The following ADAMTS12 variants were observed in gnomAD, a reference collection of about 807,000 sequenced individuals.
ADAMTS12 encodes ADAM metallopeptidase with thrombospondin type 1 motif 12.
Under a neutral mutation model 167.8 loss-of-function variants are expected in ADAMTS12, and 118 were observed. The observed-to-expected ratio is 0.70, with a 90% CI of 0.61 to 0.82. The LOEUF (loss-of-function observed/expected upper bound fraction) is 0.82. ADAMTS12 is among the 40% of genes least tolerant of loss of function. ADAMTS12 has a pLI of 0.00. For synonymous variants in ADAMTS12, 704 were observed against 716.9 expected, an observed-to-expected ratio of 0.98 and a Z score of 0.29; for missense variants, 1,916 against 1,998.8, an observed-to-expected ratio of 0.96 and a Z score of 0.79.
chr5:33,828,865 A>T (rs1748193331), intron 2 of ADAMTS12, among the ~76,000 whole-genome samples: 1 of 152,196 alleles, frequency 6.6e-6, no homozygotes, highest in African/African-American at 2.4e-5. Context: ...CTGTCGCAGT[A>T]GATTCTGCCC....
chr5:33,849,876 A>C (rs1347445376), intron 2 of ADAMTS12, among the ~76,000 whole-genome samples: 3 of 151,618 alleles, frequency 2.0e-5, no homozygotes, highest in African/African-American at 7.3e-5. Flanking sequence ...ATATATATGT[A>C]TTGCATAGCA....
chr5:33,659,977 G>C (rs1741197108), intron 6 of ADAMTS12, among the ~76,000 whole-genome samples: 1 of 152,208 alleles, frequency 6.6e-6, no homozygotes, highest in African/African-American at 2.4e-5. Flanking sequence ...AGCTGTCAGA[G>C]CTTGGAGGAG....
At position 33,549,338 on chromosome 5, in the gene ADAMTS12, A is replaced by C. The variant is rs200165680; in HGVS notation, c.4171T>G (p.Cys1391Gly). 3 of 1,614,026 alleles carry C rather than the reference A, an allele frequency of 1.9e-6. No individual in the cohort carries two copies. The highest frequency in any genetic ancestry group is 1.7e-6 in the Non-Finnish European group (2 of 1,180,028). ...SGGFKIREIQ[C>G]VDSRDHRNLR... ...TTCCGGTGGTCCCGGCTGTCCACGC[A>C]CTGAATCTCGCGTATCTTGAAGCCC... The change falls in exon 21 of 24, where the codon TGC (cysteine) becomes GGC (glycine). Residue 1391 changes from cysteine (C) to glycine (G), a missense_variant. Transcript: ENST00000504830.
At chr5:33,856,563 C>T (rs1019194546) in intron 2 of ADAMTS12, among the ~76,000 whole-genome samples, 5 of 151,832 alleles carry the variant, frequency 3.3e-5, no homozygotes, top group Non-Finnish European at 7.4e-5. Flanking sequence ...TCAAGTCCAA[C>T]CTGGGCAACA....
chr5:33,567,226 G>A (rs114922228), intron 19 of ADAMTS12, among the ~76,000 whole-genome samples: 4,870 of 151,978 alleles, frequency 0.032, 113 homozygotes, highest in Non-Finnish European at 0.048. Flanking sequence ...GCCTTTTATC[G>A]CCTACTCTTT....
rs772166112 is a variant in ADAMTS12, at chr5:33,546,211, C to T, written c.4303-9G>A. 2 of 1,601,072 alleles carry T rather than the reference C, an allele frequency of 1.2e-6. No individual in the cohort carries two copies. Among genetic ancestry groups the T allele is most frequent in the East Asian group, 2.2e-5 (1 of 44,728 alleles). Reference sequence around the variant, plus strand: ...CCACAGGACCTGGAGCACTGATACACAGCAGTGACAAGATTAGGTAAAAGT... The same window carrying T: ...CCACAGGACCTGGAGCACTGATACATAGCAGTGACAAGATTAGGTAAAAGT... On this transcript the variant is annotated splice_polypyrimidine_tract_variant and intron_variant, in intron 21 of 23. Transcript: ENST00000504830.
At chr5:33,628,635 C>T (rs2112138405) in intron 13 of ADAMTS12, among the ~76,000 whole-genome samples, 1 of 152,156 alleles carries the variant, frequency 6.6e-6, no homozygotes, top group South Asian at 2.1e-4. Flanking sequence ...CATTGTTTTC[C>T]TGAAAGCATA....
Position 33,656,902 on chromosome 5 carries a change from G to C in ADAMTS12, c.1190+1282C>G, listed in dbSNP as rs375713001. On this transcript the variant is annotated intron_variant, in intron 7 of 23. Coordinates refer to ENST00000504830, the MANE Select transcript of ADAMTS12 (RefSeq NM_030955.4). ...CATCCCTAATTATTATTTAATGAAA[G>C]CAAGTCACTTAGCTTCTCTATCTCT... Among the ~76,000 whole-genome samples the C allele has an allele frequency of 5.3e-5, 8 of 152,312 alleles. No homozygotes were observed. The East Asian group carries it at 9.6e-4, about 18-fold the overall frequency.
intron 3 of ADAMTS12, among the ~76,000 whole-genome samples, chr5:33,708,662 T>C (rs1404605779): frequency 6.6e-6 from 1 of 152,146 alleles, no homozygotes; most frequent in Non-Finnish European, 1.5e-5. Context: ...TGGATGAAGC[T>C]AGAAACCATC....
chr5:33,582,964 A>G (rs1747146029), intron 18 of ADAMTS12, among the ~76,000 whole-genome samples: 1 of 152,206 alleles, frequency 6.6e-6, no homozygotes, highest in Admixed American at 6.5e-5. Context: ...CACCCTCTCA[A>G]GCTTTTATCC....
At chr5:33,643,699 G>T (rs901343311) in intron 9 of ADAMTS12, among the ~76,000 whole-genome samples, 1 of 152,224 alleles carries the variant, frequency 6.6e-6, no homozygotes, top group Non-Finnish European at 1.5e-5. Flanking sequence ...ATATGGAAAT[G>T]AGGGATAAAA....
At chr5:33,673,739 C>A (rs1200612971) in intron 5 of ADAMTS12, among the ~76,000 whole-genome samples, 4 of 152,168 alleles carry the variant, frequency 2.6e-5, no homozygotes, top group Admixed American at 1.3e-4. Context: ...TCATTTGCAA[C>A]CTCACGGTTT....
chr5:33,716,624 T>C (rs998294479), intron 3 of ADAMTS12, among the ~76,000 whole-genome samples: 10 of 152,172 alleles, frequency 6.6e-5, no homozygotes, highest in African/African-American at 2.4e-4. Context: ...CTGACACATA[T>C]TCAATATGAT....
chr5:33,551,743 G>A (rs1258038099), intron 20 of ADAMTS12, among the ~76,000 whole-genome samples: 1 of 152,150 alleles, frequency 6.6e-6, no homozygotes, highest in Non-Finnish European at 1.5e-5. Flanking sequence ...ATATGCTGAA[G>A]TCAGTAATAA....
intron 3 of ADAMTS12, among the ~76,000 whole-genome samples, chr5:33,723,971 C>T (rs1467537837): frequency 1.3e-5 from 2 of 152,214 alleles, no homozygotes; most frequent in Non-Finnish European, 2.9e-5. Flanking sequence ...GGGCAAAGCT[C>T]CTGAGATTTT....
At chr5:33,760,479 G>A (rs1467255418) in intron 2 of ADAMTS12, among the ~76,000 whole-genome samples, 1 of 152,146 alleles carries the variant, frequency 6.6e-6, no homozygotes, top group African/African-American at 2.4e-5. Flanking sequence ...TTCATGTCAA[G>A]AAGAAAATGG....
chr5:33,770,007 G>A (rs1319236451), intron 2 of ADAMTS12, among the ~76,000 whole-genome samples: 1 of 152,164 alleles, frequency 6.6e-6, no homozygotes, highest in Non-Finnish European at 1.5e-5. Context: ...CAATGATGCT[G>A]TATGAATGAT....
chr5:33,885,231 G>A (rs770904325), intron 1 of ADAMTS12, among the ~76,000 whole-genome samples: 28 of 151,876 alleles, frequency 1.8e-4, no homozygotes, highest in Non-Finnish European at 3.4e-4. Context: ...TATAATAAAG[G>A]GGCAATAAAT....
Position 33,682,911 on chromosome 5 carries a change from A to C in ADAMTS12, c.915+107T>G, listed in dbSNP as rs145955428. 1.4e-3 allele frequency: 1,248 copies of C among 872,150 alleles called. 12 individuals are homozygous for C. In the African/African-American group the frequency reaches 0.018, roughly 13 times the overall value. 54.0% of individuals were successfully genotyped at this position (872,150 alleles called of 1,614,324 possible). A position where few individuals can be genotyped will look rare whatever the true frequency, so the allele number is the denominator to read the frequency against. ...ATATTTTCCTTCTCGATGGGCTTCC[A>C]AACACTTTCTGGTACCCTCTTTCTT... On this transcript the variant is annotated intron_variant, in intron 5 of 23. Transcript: ENST00000504830.
Sources: allele counts gnomAD v4.1 joint callset (sites outside exome capture counted in the v4.1 genomes callset), GRCh38; gene constraint gnomAD v4.1.1; transcripts MANE v1.5; gene names NCBI Gene and HGNC (gene_info 2026-07-23, HGNC 2026-07-21).